The following ADGRB3 variants were observed in gnomAD, a reference collection of about 807,000 sequenced individuals.
ADGRB3 encodes brain-specific angiogenesis inhibitor 3.
ADGRB3 carries 37 observed loss-of-function variants against 193.4 expected under a neutral mutation model. The observed-to-expected ratio is 0.19, with a 90% CI of 0.15 to 0.25. The LOEUF is 0.25. ADGRB3 is among the 10% of genes least tolerant of loss of function. The pLI, the probability that ADGRB3 is intolerant of heterozygous loss-of-function variation, is 1.00. For missense variants in ADGRB3, 1,637 were observed against 1,852.9 expected (o/e 0.88, Z 2.14); for synonymous variants, 690 against 644.2 (o/e 1.07, Z -1.08).
intron 17 of ADGRB3, among the ~76,000 whole-genome samples, chr6:69,147,565 T>G (rs4457127): frequency 6.6e-6 from 1 of 151,960 alleles, no homozygotes; most frequent in African/African-American, 2.4e-5. Flanking sequence ...GCCTAACACA[T>G]GGTCTGTCCT....
At chr6:68,676,603 A>G (rs1769098186) in intron 3 of ADGRB3, among the ~76,000 whole-genome samples, 2 of 152,128 alleles carry the variant, frequency 1.3e-5, no homozygotes, top group South Asian at 2.1e-4. Context: ...TTCAAACTAC[A>G]TTTTTATGCA....
intron 3 of ADGRB3, among the ~76,000 whole-genome samples, chr6:68,743,312 C>T (rs1216957991): frequency 6.6e-6 from 1 of 150,822 alleles, no homozygotes; most frequent in Non-Finnish European, 1.5e-5. Flanking sequence ...TTCTGATTTC[C>T]TAAGTTGAGA....
At chr6:69,280,353 A>G (rs1435238338) in intron 20 of ADGRB3, among the ~76,000 whole-genome samples, 1 of 152,100 alleles carries the variant, frequency 6.6e-6, no homozygotes, top group African/African-American at 2.4e-5. Flanking sequence ...TCACTGCCCT[A>G]CATATATTTG....
At chr6:69,088,121 C>A (rs1772601038) in intron 17 of ADGRB3, among the ~76,000 whole-genome samples, 1 of 152,042 alleles carries the variant, frequency 6.6e-6, no homozygotes, top group Admixed American at 6.6e-5. Context: ...TTCACTTTTT[C>A]CAACACCTGT....
intron 20 of ADGRB3, among the ~76,000 whole-genome samples, chr6:69,301,515 A>G (rs747494954): frequency 6.6e-6 from 1 of 151,894 alleles, no homozygotes; most frequent in Non-Finnish European, 1.5e-5. Context: ...GTGATTTCTT[A>G]TGGTTCTTGC....
At chr6:69,260,845 T>C (rs1766908884) in intron 20 of ADGRB3, among the ~76,000 whole-genome samples, 2 of 152,174 alleles carry the variant, frequency 1.3e-5, no homozygotes, top group Non-Finnish European at 2.9e-5. Context: ...ATTAATATAC[T>C]AAAGATAGGA....
At chr6:68,782,146 G>A (rs1451387874) in intron 3 of ADGRB3, among the ~76,000 whole-genome samples, 1 of 113,776 alleles carries the variant, frequency 8.8e-6, no homozygotes, top group African/African-American at 3.6e-5. Flanking sequence ...AACAGTCCCT[G>A]GTGTGTGATG....
At chr6:69,231,157 A>G (rs2127255953) in intron 17 of ADGRB3, among the ~76,000 whole-genome samples, 1 of 152,346 alleles carries the variant, frequency 6.6e-6, no homozygotes, top group Middle Eastern at 3.4e-3. Context: ...ATTTCTAAAC[A>G]TGTCATATAA....
intron 3 of ADGRB3, among the ~76,000 whole-genome samples, chr6:68,656,309 A>C (rs1768489035): frequency 6.6e-6 from 1 of 151,622 alleles, no homozygotes; most frequent in Non-Finnish European, 1.5e-5. Context: ...AATTTGGATT[A>C]GAAAACCACC....
At chr6:69,340,554 G>C (rs1768952833) in intron 26 of ADGRB3, among the ~76,000 whole-genome samples, 1 of 152,170 alleles carries the variant, frequency 6.6e-6, no homozygotes. Flanking sequence ...GTGATGTGCA[G>C]AGATAACTAG....
At chr6:69,343,453 C>T (rs182952133) in intron 26 of ADGRB3, among the ~76,000 whole-genome samples, 2 of 149,756 alleles carry the variant, frequency 1.3e-5, no homozygotes, top group East Asian at 2.0e-4. Context: ...TTTGTTCTTG[C>T]GATAGTTTAC....
At chr6:68,894,118 A>G (rs181119025) in intron 3 of ADGRB3, among the ~76,000 whole-genome samples, 34 of 152,100 alleles carry the variant, frequency 2.2e-4, no homozygotes, top group African/African-American at 8.2e-4. Flanking sequence ...TTATTTCAAA[A>G]TCCTTTTTTA....
intron 3 of ADGRB3, among the ~76,000 whole-genome samples, chr6:68,695,482 A>G (rs545535824): frequency 6.6e-6 from 1 of 152,158 alleles, no homozygotes; most frequent in East Asian, 1.9e-4. Flanking sequence ...TTCTGAGTAG[A>G]TTACCAGTCT....
intron 3 of ADGRB3, among the ~76,000 whole-genome samples, chr6:68,842,899 A>T (rs2127387971): frequency 6.6e-6 from 1 of 152,184 alleles, no homozygotes; most frequent in Non-Finnish European, 1.5e-5. Flanking sequence ...AACATCATAT[A>T]AACAGAATGA....
At chr6:68,860,777 G>A (rs945976017) in intron 3 of ADGRB3, among the ~76,000 whole-genome samples, 1 of 152,026 alleles carries the variant, frequency 6.6e-6, no homozygotes, top group African/African-American at 2.4e-5. Context: ...GGGATTCCTG[G>A]GTCAAATGGT....
intron 13 of ADGRB3, among the ~76,000 whole-genome samples, chr6:69,023,870 A>G (rs1357536047): frequency 6.6e-6 from 1 of 152,166 alleles, no homozygotes; most frequent in African/African-American, 2.4e-5. Flanking sequence ...TAGAATTGAT[A>G]GGATTCCATA....
chr6:68,914,576 C>G (rs1299792073), intron 3 of ADGRB3, among the ~76,000 whole-genome samples: 1 of 152,124 alleles, frequency 6.6e-6, no homozygotes, highest in East Asian at 1.9e-4. Context: ...CCAGTACCAG[C>G]CACTGCAAAA....
At position 68,639,309 on chromosome 6, in the gene ADGRB3, C is replaced by T; in HGVS notation, c.634C>T (p.Leu212=). 6.2e-7 allele frequency: 1 copy of T among 1,614,070 alleles called. No individual in the cohort carries two copies. Among genetic ancestry groups the T allele is most frequent in the Non-Finnish European group, 8.5e-7 (1 of 1,180,028 alleles). The change falls in exon 3 of 32, where the codon CTG becomes TTG. Residue 212 remains leucine (L), a synonymous_variant. Transcript: ENST00000370598. ...LGEWGIDDQS[L]ILLNNVVLPL... The stretch of plus-strand genomic sequence containing the variant: ...AGAGTGGGGGATCGACGACCAGTCG[C>T]TGATTTTGTTAAATAACGTGGTGTT...
intron 3 of ADGRB3, among the ~76,000 whole-genome samples, chr6:68,856,810 G>T (rs1235312264): frequency 6.6e-6 from 1 of 152,202 alleles, no homozygotes; most frequent in Admixed American, 6.5e-5. Context: ...TGTCTCCAGG[G>T]CATGTCAGAG....
Sources: allele counts gnomAD v4.1 joint callset (sites outside exome capture counted in the v4.1 genomes callset), GRCh38; gene constraint gnomAD v4.1.1; transcripts MANE v1.5; gene names NCBI Gene and HGNC (gene_info 2026-07-23, HGNC 2026-07-21).